Variants in STOX2 observed in about 807,000 individuals in gnomAD.
The protein encoded by STOX2 is storkhead box 2, also known as storkhead-box protein 2.
In STOX2, 28 loss-of-function variants were observed where a neutral mutation model predicts 60.9. The ratio of observed to expected loss-of-function variants is 0.46; its 90% CI spans 0.34 to 0.63. The LOEUF (loss-of-function observed/expected upper bound fraction) is 0.63. Among genes scored for constraint, STOX2 ranks in the 30% least tolerant of loss-of-function variants. The pLI is 0.01. For missense variants in STOX2, 1,024 were observed against 1,187.7 expected (o/e 0.86, Z 2.03); for synonymous variants, 472 against 463.9 (o/e 1.02, Z -0.22).
chr4:183,855,341 G>A (rs1740261038), intron 1 of STOX2, among the ~76,000 whole-genome samples: 1 of 152,136 alleles, frequency 6.6e-6, no homozygotes. Context: ...TAGTTCATAG[G>A]CTCGTCTTGG....
chr4:183,819,105 C>G (rs1018167226), intron 1 of STOX2, among the ~76,000 whole-genome samples: 2 of 151,304 alleles, frequency 1.3e-5, no homozygotes, highest in African/African-American at 2.4e-5. Context: ...AGACGATGGG[C>G]GGCCAGGCAG....
chr4:184,017,004 G>C lies in STOX2; in HGVS notation c.2586-85G>C, dbSNP rs140683507. On this transcript the variant is annotated intron_variant, in intron 3 of 3. Coordinates refer to ENST00000308497, the MANE Select transcript of STOX2 (RefSeq NM_020225.3). ...GAACCAACAGAGGAAATCCATTAAC[G>C]ACATCATTTGCTCTTCCTCTGGGGC... The C allele has an allele frequency of 1.1e-5, 12 of 1,117,462 alleles. No individual in the cohort carries two copies. The East Asian group carries it at 2.6e-4, about 24-fold the overall frequency. 69.2% of individuals were successfully genotyped at this position (1,117,462 alleles called of 1,614,324 possible). A position where few individuals can be genotyped will look rare whatever the true frequency, so the allele number is the denominator to read the frequency against.
chr4:183,916,426 T>C (rs560877462), intron 1 of STOX2, among the ~76,000 whole-genome samples: 14 of 152,326 alleles, frequency 9.2e-5, no homozygotes, highest in African/African-American at 3.4e-4. Context: ...CCAGGTAAAC[T>C]TGGAGAAATC....
At chr4:183,970,181 T>TGTGTGTGG (rs779582388) in intron 1 of STOX2, among the ~76,000 whole-genome samples, 39 of 136,488 alleles carry the variant, frequency 2.9e-4, no homozygotes, top group Middle Eastern at 7.1e-3. Context: ...TGTGTGTGTG[T>TGTGTGTGG]GGGGTTCCAG....
intron 1 of STOX2, among the ~76,000 whole-genome samples, chr4:183,948,535 T>C (rs570801878): frequency 8.6e-5 from 8 of 93,508 alleles, no homozygotes; most frequent in African/African-American, 2.2e-4. Flanking sequence ...TGTTAATGCC[T>C]TATCCTTTTT....
intron 1 of STOX2, among the ~76,000 whole-genome samples, chr4:183,807,758 C>G (rs1366606511): frequency 6.6e-6 from 1 of 152,084 alleles, no homozygotes; most frequent in Non-Finnish European, 1.5e-5. Context: ...AGTGGGCTGT[C>G]AGCAGGGAGA....
intron 1 of STOX2, among the ~76,000 whole-genome samples, chr4:183,814,896 T>C (rs940296246): frequency 2.0e-5 from 3 of 152,224 alleles, no homozygotes; most frequent in African/African-American, 4.8e-5. Context: ...AGATTTTCTT[T>C]AGCGATAAAT....
rs149206959 is a variant in STOX2, at chr4:183,944,158, G to T, written c.166+37202G>T. ...CTTCACAGAGTAGCTGACAATGTAA[G>T]TCAGGGTAAAATAGTAGTTACTTAT... On this transcript the variant is annotated intron_variant, in intron 1 of 3. Coordinates refer to ENST00000308497, the MANE Select transcript of STOX2 (RefSeq NM_020225.3). 3.6e-3 allele frequency among the ~76,000 whole-genome samples: 542 copies of T among 152,312 alleles called. 14 individuals are homozygous for T. Among genetic ancestry groups the T allele is most frequent in the Admixed American group, 0.024 (367 of 15,302 alleles).
chr4:183,909,594 C>T (rs1309070501), intron 1 of STOX2, among the ~76,000 whole-genome samples: 1 of 152,164 alleles, frequency 6.6e-6, no homozygotes, highest in African/African-American at 2.4e-5. Context: ...CCCCCTCCCT[C>T]AACAAATATT....
At chr4:183,853,271 G>C (rs1466777871) in intron 1 of STOX2, among the ~76,000 whole-genome samples, 3 of 152,198 alleles carry the variant, frequency 2.0e-5, no homozygotes, top group Non-Finnish European at 4.4e-5. Flanking sequence ...TTCAAGTCAG[G>C]TGACAGTGTT....
At position 183,804,411 on chromosome 4, in the gene STOX2, G is replaced by A. The variant is rs77555250; in HGVS notation, c.364+6356G>A. On this transcript the variant is annotated intron_variant, in intron 1 of 2. Coordinates refer to the STOX2 transcript ENST00000513034. Reference sequence around the variant, plus strand: ...GTGGAAATCAGCTTGCTATGCTGGAGAAACAGAGAGGGTGGCCCATGGGGC... The same window carrying A: ...GTGGAAATCAGCTTGCTATGCTGGAAAAACAGAGAGGGTGGCCCATGGGGC... 8.0e-3 allele frequency among the ~76,000 whole-genome samples: 1,215 copies of A among 152,344 alleles called. 10 individuals are homozygous for A. The highest frequency in any genetic ancestry group is 0.014 in the Non-Finnish European group (943 of 68,036).
intron 1 of STOX2, among the ~76,000 whole-genome samples, chr4:183,815,878 TTGTG>T (rs1739142731): frequency 1.3e-5 from 2 of 152,260 alleles, no homozygotes; most frequent in Admixed American, 6.5e-5. Flanking sequence ...TTTAGACAAC[TTGTG>T]TGTGTATTTT....
intron 1 of STOX2, among the ~76,000 whole-genome samples, chr4:183,921,225 T>A (rs571388730): frequency 8.5e-5 from 13 of 152,278 alleles, no homozygotes; most frequent in African/African-American, 3.1e-4. Flanking sequence ...ATGACAGAAC[T>A]GGGGGCAAAG....
chr4:183,963,077 A>T (rs1743457693), intron 1 of STOX2, among the ~76,000 whole-genome samples: 1 of 152,186 alleles, frequency 6.6e-6, no homozygotes, highest in Admixed American at 6.5e-5. Flanking sequence ...GTAACTTTTG[A>T]TCACTTACTC....
Position 183,951,121 on chromosome 4 carries a change from C to A in STOX2, c.166+44165C>A, listed in dbSNP as rs536152325. ...GTCCCAGCTACTCGGGAGGCTGAGG[C>A]AGGAGAATGGGTGAACCCGGGAGGT... On this transcript the variant is annotated intron_variant, in intron 1 of 3. Transcript: ENST00000308497. 2.7e-5 allele frequency among the ~76,000 whole-genome samples: 4 copies of A among 149,708 alleles called. No homozygotes were observed. In the East Asian group the frequency reaches 6.0e-4, roughly 22 times the overall value.
chr4:183,969,766 C>T lies in STOX2; in HGVS notation c.167-31559C>T, dbSNP rs569473610. On this transcript the variant is annotated intron_variant, in intron 1 of 3. Transcript: ENST00000308497. Reference sequence around the variant, plus strand: ...TCCTGAGTAGCTGGGGCTCCAGGCACGCACCACCACGCCTGGCTAATTTTT... The same window carrying T: ...TCCTGAGTAGCTGGGGCTCCAGGCATGCACCACCACGCCTGGCTAATTTTT... Among the ~76,000 whole-genome samples the T allele has an allele frequency of 5.9e-5, 9 of 152,210 alleles. No homozygotes were observed. The South Asian group carries it at 6.2e-4, about 11-fold the overall frequency.
At chr4:183,921,803 T>G (rs1742106240) in intron 1 of STOX2, among the ~76,000 whole-genome samples, 1 of 152,228 alleles carries the variant, frequency 6.6e-6, no homozygotes, top group Admixed American at 6.5e-5. Flanking sequence ...TATCTTTTAT[T>G]AACTCTTACT....
chr4:184,001,313 G>T lies in STOX2; in HGVS notation c.167-12G>T. 6.2e-7 allele frequency: 1 copy of T among 1,612,924 alleles called. No individual in the cohort carries two copies. Among genetic ancestry groups the T allele is most frequent in the Non-Finnish European group, 8.5e-7 (1 of 1,179,094 alleles). ...TTAATGAACCACTCACTTGAAAATT[G>T]TCTTTCTGCAGGTGATGTATCACCC... On this transcript the variant is annotated splice_polypyrimidine_tract_variant and intron_variant, in intron 1 of 3. Coordinates refer to ENST00000308497, the MANE Select transcript of STOX2 (RefSeq NM_020225.3). The surrounding 1 kb of genome is among the most constrained non-coding windows in gnomAD (Gnocchi z 4.2).
chr4:183,916,361 A>G (rs989032846), intron 1 of STOX2, among the ~76,000 whole-genome samples: 1 of 152,192 alleles, frequency 6.6e-6, no homozygotes, highest in Non-Finnish European at 1.5e-5. Flanking sequence ...AGTGATTTAG[A>G]GCAGAGATGC....
Sources: allele counts gnomAD v4.1 joint callset (sites outside exome capture counted in the v4.1 genomes callset), GRCh38; gene constraint gnomAD v4.1.1; non-coding constraint Gnocchi (gnomAD v3.1); transcripts MANE v1.5; gene names NCBI Gene and HGNC (gene_info 2026-07-23, HGNC 2026-07-21).